Variants in KPNA3 observed in about 807,000 individuals in gnomAD.
KPNA3 encodes importin subunit alpha-4.
In KPNA3, 13 loss-of-function variants were observed where a neutral mutation model predicts 73.8. The ratio of observed to expected loss-of-function variants is 0.18; its 90% confidence interval spans 0.11 to 0.28. The LOEUF (loss-of-function observed/expected upper bound fraction) is 0.28, where lower values mean the gene tolerates loss of function less well. Among genes scored for constraint, KPNA3 ranks in the 10% least tolerant of loss-of-function variants. KPNA3 has a pLI of 1.00. For missense variants in KPNA3, 360 were observed against 618.1 expected (o/e 0.58, Z 4.43); for synonymous variants, 186 against 206.9 (o/e 0.90, Z 0.87).
chr13:49,727,051 T>C (rs954229359), intron 6 of KPNA3, among the ~76,000 whole-genome samples: 10 of 152,034 alleles, frequency 6.6e-5, no homozygotes, highest in Admixed American at 2.6e-4. Flanking sequence ...ATACCAAGGA[T>C]TGGGGGGATT....
chr13:49,739,026 A>G (rs148074236), intron 2 of KPNA3, among the ~76,000 whole-genome samples: 167 of 152,320 alleles, frequency 1.1e-3, no homozygotes, highest in African/African-American at 3.9e-3. Context: ...TTTATCAGAA[A>G]TGAGTAACTG....
chr13:49,758,182 A>C (rs981270259), intron 1 of KPNA3, among the ~76,000 whole-genome samples: 1 of 152,212 alleles, frequency 6.6e-6, no homozygotes, highest in Admixed American at 6.5e-5. Context: ...AAAACAAAAA[A>C]TAAAACAGAT....
chr13:49,763,571 G>T (rs1954785801), intron 1 of KPNA3, among the ~76,000 whole-genome samples: 1 of 152,196 alleles, frequency 6.6e-6, no homozygotes, highest in Non-Finnish European at 1.5e-5. Flanking sequence ...AAAATAAAAA[G>T]ATTTCTTTTC....
rs11301654 is a variant in KPNA3 at position 49,764,066 on chromosome 13, C to CAA, written c.70-17075_70-17074dup. 5.5e-3 allele frequency among the ~76,000 whole-genome samples: 437 copies of CAA among 79,912 alleles called. 3 individuals are homozygous for CAA. Among genetic ancestry groups the CAA allele is most frequent in the African/African-American group, 0.019 (385 of 20,784 alleles). The allele number at this position is 79,912 out of a possible 152,430, so 52.4% of individuals were successfully genotyped here. Reference sequence around the variant, plus strand: ...TGGGTAACAGAGAGAGACCCTGTCTCAAAAAAAAAAAAAAAAAAAAAGAGT... The same window carrying CAA: ...TGGGTAACAGAGAGAGACCCTGTCTCAAAAAAAAAAAAAAAAAAAAAAAGAGT... On this transcript the variant is annotated intron_variant, in intron 1 of 16. Coordinates refer to ENST00000261667, the MANE Select transcript of KPNA3 (RefSeq NM_002267.4).
intron 1 of KPNA3, among the ~76,000 whole-genome samples, chr13:49,752,430 C>T (rs1285469997): frequency 6.6e-6 from 1 of 152,050 alleles, no homozygotes; most frequent in East Asian, 1.9e-4. Context: ...GAAGCCCATG[C>T]TGTAAGAAAT....
intron 6 of KPNA3, among the ~76,000 whole-genome samples, chr13:49,730,373 A>C (rs1954451055): frequency 6.6e-6 from 1 of 151,696 alleles, no homozygotes; most frequent in African/African-American, 2.4e-5. Flanking sequence ...TCTATACTAA[A>C]AATACAAAAA....
At position 49,792,536 on chromosome 13, in the gene KPNA3, CCTGCGGCTGCGGCGG is replaced by C; in HGVS notation, c.-45_-31del. ...GCGCGCGGCTCCGGCGGCGGCTACT[CCTGCGGCTGCGGCGG>C]CGGCGGCGGCGAATCTTGGAGCGGG... On this transcript the variant is annotated 5_prime_UTR_variant, in exon 1 of 17. Transcript: ENST00000261667. 6.7e-7 allele frequency: 1 copy of C among 1,498,376 alleles called. No homozygotes were observed. The highest frequency in any genetic ancestry group is 1.6e-5 in the African/African-American group (1 of 64,132). 92.8% of individuals were successfully genotyped at this position (1,498,376 alleles called of 1,614,324 possible).
intron 1 of KPNA3, among the ~76,000 whole-genome samples, chr13:49,762,744 C>T (rs1243967947): frequency 1.3e-5 from 2 of 152,094 alleles, no homozygotes; most frequent in African/African-American, 4.8e-5. Context: ...CCGCAGGGTC[C>T]TCTGCCTAGG....
intron 1 of KPNA3, among the ~76,000 whole-genome samples, chr13:49,748,892 T>G (rs1371162595): frequency 2.0e-5 from 3 of 152,178 alleles, no homozygotes; most frequent in African/African-American, 7.2e-5. Flanking sequence ...TTGAACAATC[T>G]TCAAATACCA....
At chr13:49,731,685 AAT>A (rs763061571) in intron 6 of KPNA3, among the ~76,000 whole-genome samples, 2 of 152,176 alleles carry the variant, frequency 1.3e-5, no homozygotes, top group Non-Finnish European at 2.9e-5. Context: ...CATTTGTTTT[AAT>A]ATGTTTTGGA....
chr13:49,734,165 T>C (rs1010949341), intron 2 of KPNA3, among the ~76,000 whole-genome samples: 9 of 152,238 alleles, frequency 5.9e-5, no homozygotes, highest in African/African-American at 2.2e-4. Flanking sequence ...ATTTGTCTCC[T>C]GAATTACCAC....
At chr13:49,756,271 C>A (rs1289828188) in intron 1 of KPNA3, among the ~76,000 whole-genome samples, 2 of 151,912 alleles carry the variant, frequency 1.3e-5, no homozygotes, top group African/African-American at 4.8e-5. Context: ...TAGACCCTGC[C>A]TCAAAACAAA....
intron 10 of KPNA3, among the ~76,000 whole-genome samples, chr13:49,712,942 A>G (rs889823083): frequency 1.3e-5 from 2 of 151,716 alleles, no homozygotes; most frequent in Non-Finnish European, 2.9e-5. Flanking sequence ...CAATCTATCA[A>G]CCTATGTGAA....
intron 2 of KPNA3, among the ~76,000 whole-genome samples, chr13:49,734,479 G>T (rs1566344004): frequency 6.6e-6 from 1 of 152,032 alleles, no homozygotes; most frequent in East Asian, 1.9e-4. Context: ...TTGGGAAAAA[G>T]AAAAGAAAAA....
At chr13:49,738,471 C>T (rs1272702697) in intron 2 of KPNA3, among the ~76,000 whole-genome samples, 4 of 152,180 alleles carry the variant, frequency 2.6e-5, no homozygotes, top group African/African-American at 4.8e-5. Flanking sequence ...TACGTTGAGG[C>T]TTCCAATCCA....
chr13:49,789,605 T>C (rs928583017), intron 1 of KPNA3, among the ~76,000 whole-genome samples: 1 of 152,242 alleles, frequency 6.6e-6, no homozygotes. Context: ...CTCACTGTTT[T>C]GGAACAGCCT....
In KPNA3 at chr13:49,701,749, T is replaced by C; in HGVS notation, c.*51A>G. 1 of 1,080,314 alleles carries C rather than the reference T, an allele frequency of 9.3e-7. No homozygotes were observed. Among genetic ancestry groups the C allele is most frequent in the East Asian group, 2.4e-5 (1 of 42,382 alleles). 66.9% of individuals were successfully genotyped at this position (1,080,314 alleles called of 1,614,324 possible). On this transcript the variant is annotated 3_prime_UTR_variant, in exon 17 of 17. Coordinates refer to ENST00000261667, the MANE Select transcript of KPNA3 (RefSeq NM_002267.4). The stretch of plus-strand genomic sequence containing the variant: ...TGTTGTTCTTATCATTTGGTAGCCA[T>C]CTGGTGGTGCTTCATATTGAATGTG...
chr13:49,708,098 C>T (rs1323381888), intron 12 of KPNA3, among the ~76,000 whole-genome samples: 2 of 151,762 alleles, frequency 1.3e-5, no homozygotes, highest in African/African-American at 4.8e-5. Context: ...TGGGTTCATG[C>T]CATTCTCCTG....
At chr13:49,706,426 G>A in intron 12 of KPNA3, 54 bp from the exon 13 acceptor site, 2 of 1,179,576 alleles carry the variant, frequency 1.7e-6, no homozygotes, top group Non-Finnish European at 2.5e-6. Flanking sequence ...TACCTTTAAT[G>A]TCTTTCTAAT....
Sources: allele counts gnomAD v4.1 joint callset (sites outside exome capture counted in the v4.1 genomes callset), GRCh38; gene constraint gnomAD v4.1.1; transcripts MANE v1.5; gene names NCBI Gene and HGNC (gene_info 2026-07-23, HGNC 2026-07-21).